Variants in SORCS3 observed in about 807,000 individuals in gnomAD.
The protein encoded by SORCS3 is VPS10 domain-containing receptor SorCS3.
In SORCS3, 57 loss-of-function variants were observed where a neutral mutation model predicts 146.3. The ratio of observed to expected loss-of-function variants is 0.39; its 90% CI spans 0.31 to 0.49. The LOEUF (loss-of-function observed/expected upper bound fraction) is 0.49, where lower values mean the gene tolerates loss of function less well. SORCS3 is among the 20% of genes least tolerant of loss of function. SORCS3 has a pLI of 0.92. For synonymous variants in SORCS3, 653 were observed against 618.5 expected, an observed-to-expected ratio of 1.06 and a Z score of -0.83; for missense variants, 1,341 against 1,575.5, an observed-to-expected ratio of 0.85 and a Z score of 2.52.
intron 5 of SORCS3, among the ~76,000 whole-genome samples, chr10:105,056,463 A>T (rs1474101108): frequency 6.6e-6 from 1 of 152,192 alleles, no homozygotes; most frequent in Non-Finnish European, 1.5e-5. Flanking sequence ...CCAGATTCAG[A>T]TTGTGAAGCA....
chr10:104,966,127 C>G (rs1223654341), intron 3 of SORCS3, among the ~76,000 whole-genome samples: 2 of 151,812 alleles, frequency 1.3e-5, no homozygotes, highest in African/African-American at 4.8e-5. Flanking sequence ...TACAGCATCC[C>G]TCGCCTCTGC....
chr10:105,071,693 G>A (rs757246968), intron 5 of SORCS3, among the ~76,000 whole-genome samples: 20 of 152,138 alleles, frequency 1.3e-4, no homozygotes, highest in Non-Finnish European at 2.6e-4. Flanking sequence ...TACTCCTTAA[G>A]TTATTTTAAA....
At chr10:104,915,727 G>A (rs17117920) in intron 2 of SORCS3, 106 bp from the exon 3 acceptor site, 102,126 of 875,472 alleles carry the variant, frequency 0.12, 7,243 homozygotes, top group South Asian at 0.26. Context: ...CATATGATTC[G>A]GGAAGAAAGG....
In SORCS3 at chr10:104,915,204, C is replaced by G. The variant is rs189629033; in HGVS notation, c.696-629C>G. 6.6e-4 allele frequency among the ~76,000 whole-genome samples: 100 copies of G among 152,250 alleles called. No homozygotes were observed. In the Middle Eastern group the frequency reaches 0.01, roughly 16 times the overall value. On this transcript the variant is annotated intron_variant, in intron 2 of 26. Transcript: ENST00000369701. ...AGGATCATTGGAGTGATGAACCCCT[C>G]CTCTGTAAGCAGCCCAGTGCCATAG...
chr10:105,182,832 A>T (rs760616099), intron 14 of SORCS3, among the ~76,000 whole-genome samples: 1 of 151,896 alleles, frequency 6.6e-6, no homozygotes, highest in Non-Finnish European at 1.5e-5. Context: ...CCTCCCAAGT[A>T]GCTGGGACTA....
intron 1 of SORCS3, among the ~76,000 whole-genome samples, chr10:104,703,553 A>G (rs1252741607): frequency 6.6e-6 from 1 of 151,864 alleles, no homozygotes; most frequent in Non-Finnish European, 1.5e-5. Flanking sequence ...TTGAACATTG[A>G]AAACACATGG....
intron 3 of SORCS3, among the ~76,000 whole-genome samples, chr10:104,960,106 G>A (rs2054785319): frequency 6.6e-6 from 1 of 152,146 alleles, no homozygotes; most frequent in Non-Finnish European, 1.5e-5. Flanking sequence ...GAATGTTCAT[G>A]TGATACGATA....
intron 1 of SORCS3, among the ~76,000 whole-genome samples, chr10:104,802,155 TGACCTAGA>T: frequency 6.6e-6 from 1 of 152,346 alleles, no homozygotes; most frequent in South Asian, 2.1e-4. Flanking sequence ...TTTTCGGTAA[TGACCTAGA>T]ATTTAACAAC....
At chr10:104,843,872 G>A (rs2018174720) in intron 2 of SORCS3, among the ~76,000 whole-genome samples, 1 of 152,176 alleles carries the variant, frequency 6.6e-6, no homozygotes, top group East Asian at 1.9e-4. Context: ...TTTACCTTGT[G>A]ATGTGTCAAT....
intron 1 of SORCS3, among the ~76,000 whole-genome samples, chr10:104,832,028 C>A (rs188018134): frequency 6.6e-6 from 1 of 152,290 alleles, no homozygotes; most frequent in East Asian, 1.9e-4. Flanking sequence ...TAGGCCATGT[C>A]TTTTTCAGCT....
chr10:104,729,160 G>A (rs1314567793), intron 1 of SORCS3, among the ~76,000 whole-genome samples: 1 of 152,184 alleles, frequency 6.6e-6, no homozygotes, highest in African/African-American at 2.4e-5. Flanking sequence ...CTTTGGAAAA[G>A]CAAATAGTAG....
chr10:105,131,474 A>G (rs1215728270), intron 7 of SORCS3, among the ~76,000 whole-genome samples: 1 of 152,200 alleles, frequency 6.6e-6, no homozygotes, highest in African/African-American at 2.4e-5. Flanking sequence ...TCGTATTCAC[A>G]AATTCCCATA....
At chr10:104,975,875 T>A (rs1292691097) in intron 3 of SORCS3, among the ~76,000 whole-genome samples, 1 of 152,240 alleles carries the variant, frequency 6.6e-6, no homozygotes, top group African/African-American at 2.4e-5. Context: ...AAGCTGAAAC[T>A]GGATACCTTC....
chr10:105,242,713 TATTTATATAC>T (rs370857693), intron 20 of SORCS3, among the ~76,000 whole-genome samples: 1 of 99,024 alleles, frequency 1.0e-5, no homozygotes, highest in Non-Finnish European at 1.8e-5. Context: ...TATATTTATA[TATTTATATAC>T]ATTTATATAT....
intron 1 of SORCS3, among the ~76,000 whole-genome samples, chr10:104,697,673 C>A (rs1238369950): frequency 1.3e-5 from 2 of 152,050 alleles, no homozygotes; most frequent in Non-Finnish European, 1.5e-5. Flanking sequence ...GGGCTGTCAC[C>A]CAAGCCTGTT....
At chr10:105,033,979 A>T (rs1238726267) in intron 4 of SORCS3, among the ~76,000 whole-genome samples, 1 of 152,196 alleles carries the variant, frequency 6.6e-6, no homozygotes, top group Non-Finnish European at 1.5e-5. Context: ...CATTCAGCAA[A>T]TAGTCATTGA....
intron 14 of SORCS3, among the ~76,000 whole-genome samples, chr10:105,197,476 A>G (rs558333404): frequency 1.3e-5 from 2 of 152,294 alleles, no homozygotes; most frequent in South Asian, 4.1e-4. Flanking sequence ...TCCTTCTTGA[A>G]TGGTAACAGT....
chr10:104,782,956 A>G (rs902875268), intron 1 of SORCS3, among the ~76,000 whole-genome samples: 4 of 152,220 alleles, frequency 2.6e-5, no homozygotes, highest in African/African-American at 7.2e-5. Context: ...TTTTGAGTCA[A>G]TGATTTTTGT....
chr10:104,888,603 G>T (rs1360520859), intron 2 of SORCS3, among the ~76,000 whole-genome samples: 1 of 152,046 alleles, frequency 6.6e-6, no homozygotes, highest in Non-Finnish European at 1.5e-5. Flanking sequence ...CCTTGGAAAT[G>T]GCAGGAAATT....
Sources: allele counts gnomAD v4.1 joint callset (sites outside exome capture counted in the v4.1 genomes callset), GRCh38; gene constraint gnomAD v4.1.1; transcripts MANE v1.5; gene names NCBI Gene and HGNC (gene_info 2026-07-23, HGNC 2026-07-21).